Variants in ARHGEF11 observed in about 807,000 individuals in gnomAD.
ARHGEF11 encodes Rho guanine nucleotide exchange factor 11, also known as Rho guanine exchange factor (GEF) 11.
A neutral mutation model predicts 193.7 loss-of-function variants in ARHGEF11; 55 were observed. The ratio of observed to expected loss-of-function variants is 0.28; its 90% CI spans 0.23 to 0.36. ARHGEF11 has a LOEUF of 0.36. ARHGEF11 is among the 10% of genes least tolerant of loss of function. The probability of loss-of-function intolerance (pLI) is 1.00; values close to 1 mark genes in which losing one functional copy is unlikely to be tolerated. For missense variants in ARHGEF11, 1,723 were observed against 2,005.6 expected (o/e 0.86, Z 2.69); for synonymous variants, 693 against 768.0 (o/e 0.90, Z 1.62).
chr1:156,956,653 G>C (rs1295447588), intron 18 of ARHGEF11, 89 bp from the exon 19 acceptor site: 3 of 1,555,754 alleles, frequency 1.9e-6, no homozygotes, highest in East Asian at 2.3e-5. Flanking sequence ...CAGTGGAGTG[G>C]GGAAGGGGTA....
intron 1 of ARHGEF11, among the ~76,000 whole-genome samples, chr1:157,008,402 GCACGCACA>G (rs1668133636): frequency 2.7e-5 from 1 of 36,396 alleles, no homozygotes. Flanking sequence ...AAGCTTGCAC[GCACGCACA>G]CACACACACA....
Position 156,968,066 on chromosome 1 carries a change from G to A in ARHGEF11, c.884C>T (p.Ser295Phe), listed in dbSNP as rs1487315103. Residue 295 changes from serine (S) to phenylalanine (F), a missense_variant, in exon 11 of 41, where the codon TCC (serine) becomes TTC (phenylalanine). Around this residue, in one of 5 missense-constraint regions of ARHGEF11, gnomAD observed 646 missense variants for 710.7 expected, o/e 0.91. Coordinates refer to ENST00000368194, the MANE Select transcript of ARHGEF11 (RefSeq NM_198236.3). ...GGCCACCCTGGCCATGATCACAGGG[G>A]AGGTTCGAGGACTGTCTAGCCCAGG... ...SDPGLDSPRT[S>F]PVIMARVAQH... 1 of 1,614,116 alleles carries A rather than the reference G, an allele frequency of 6.2e-7. No individual in the cohort carries two copies. The highest frequency in any genetic ancestry group is 1.3e-5 in the African/African-American group (1 of 74,954).
intron 7 of ARHGEF11, among the ~76,000 whole-genome samples, chr1:156,974,028 T>C (rs1413376234): frequency 6.6e-6 from 1 of 152,122 alleles, no homozygotes; most frequent in Non-Finnish European, 1.5e-5. Flanking sequence ...TCATGGCCAA[T>C]AACACCTTCC....
intron 39 of ARHGEF11, 113 bp downstream of exon 39, chr1:156,937,136 C>T: frequency 6.4e-7 from 1 of 1,571,956 alleles, no homozygotes; most frequent in South Asian, 1.2e-5. Context: ...GGGAAGATCC[C>T]TGGGCCAGGA....
chr1:156,996,766 C>T (rs71630646), intron 1 of ARHGEF11, among the ~76,000 whole-genome samples: 1,084 of 94,202 alleles, frequency 0.012, 10 homozygotes, highest in Middle Eastern at 0.023. Context: ...GAGCGAGACT[C>T]TGTCTCAAAA....
rs865984399 is a variant in ARHGEF11, at chr1:157,020,110, C to A, written c.32+24189G>T. On this transcript the variant is annotated intron_variant, in intron 1 of 40. Coordinates refer to ENST00000368194, the MANE Select transcript of ARHGEF11 (RefSeq NM_198236.3). ...CTGCACTCCAGCCTGGGCGACAGTG[C>A]GAGACTCTGTCTCAGAAAAAAAAAA... Among the ~76,000 whole-genome samples the A allele has an allele frequency of 5.0e-5, 7 of 139,142 alleles. 1 individual carries two copies. The highest frequency in any genetic ancestry group is 1.5e-4 in the Admixed American group (2 of 13,226). The allele number at this position is 139,142 out of a possible 152,430, so 91.3% of individuals were successfully genotyped here.
At chr1:157,010,426 C>A (rs956541709) in intron 1 of ARHGEF11, among the ~76,000 whole-genome samples, 2 of 152,014 alleles carry the variant, frequency 1.3e-5, no homozygotes, top group Non-Finnish European at 2.9e-5. Flanking sequence ...AATTGCATTT[C>A]TTTTTTTCTT....
rs1295275295 is a variant in ARHGEF11, at chr1:156,980,499, G to T, written c.224-13C>A. Reference sequence around the variant, plus strand: ...ATGGCTGCACCTCCTGTAAGGAGAAGGCCTGGTCAGCAGTGCCCAACAACC... The same window carrying T: ...ATGGCTGCACCTCCTGTAAGGAGAATGCCTGGTCAGCAGTGCCCAACAACC... On this transcript the variant is annotated splice_polypyrimidine_tract_variant and intron_variant, in intron 3 of 40. Transcript: ENST00000368194. 5.0e-6 allele frequency: 8 copies of T among 1,586,264 alleles called. No homozygotes were observed. In the African/African-American group the frequency reaches 9.4e-5, roughly 19 times the overall value.
chr1:156,981,932 G>A (rs1403300119), intron 3 of ARHGEF11, among the ~76,000 whole-genome samples: 4 of 152,132 alleles, frequency 2.6e-5, no homozygotes, highest in Admixed American at 2.0e-4. Context: ...GCATTCCTCT[G>A]ATCAAAACAA....
intron 3 of ARHGEF11, 48 bp from the exon 4 acceptor site, chr1:156,980,534 G>A (rs1261620255): frequency 6.4e-7 from 1 of 1,550,910 alleles, no homozygotes; most frequent in East Asian, 2.4e-5. Flanking sequence ...CTCTTCCACT[G>A]AAGCTACACG....
chr1:157,028,512 G>C (rs757476949), intron 1 of ARHGEF11, among the ~76,000 whole-genome samples: 1 of 152,110 alleles, frequency 6.6e-6, no homozygotes, highest in African/African-American at 2.4e-5. Flanking sequence ...CAACATGATG[G>C]CGAGTAGAGC....
chr1:157,001,078 A>G (rs1667156683), intron 1 of ARHGEF11, among the ~76,000 whole-genome samples: 1 of 152,142 alleles, frequency 6.6e-6, no homozygotes. Flanking sequence ...TCGAATGATG[A>G]CACTTCTATT....
chr1:156,969,970 G>C, intron 9 of ARHGEF11, 28 bp downstream of exon 9: 2 of 1,612,554 alleles, frequency 1.2e-6, no homozygotes, highest in Non-Finnish European at 1.7e-6. Context: ...AGATATGCCA[G>C]AGAAAAAAGG....
chr1:157,038,933 C>A (rs1672398698), intron 1 of ARHGEF11, among the ~76,000 whole-genome samples: 1 of 152,056 alleles, frequency 6.6e-6, no homozygotes, highest in African/African-American at 2.4e-5. Flanking sequence ...GTGGGAGGAC[C>A]ACCTGAGCCT....
chr1:156,974,021 T>C (rs542975267), intron 7 of ARHGEF11, among the ~76,000 whole-genome samples: 2 of 152,320 alleles, frequency 1.3e-5, no homozygotes, highest in South Asian at 2.1e-4. Context: ...ATGGTATTCA[T>C]GGCCAATAAC....
intron 15 of ARHGEF11, 41 bp from the exon 16 acceptor site, chr1:156,959,183 TGG>T (rs1660422873): frequency 6.4e-7 from 1 of 1,571,290 alleles, no homozygotes; most frequent in South Asian, 1.1e-5. Context: ...GATGGGGTAC[TGG>T]GGGTGGAGGG....
rs987220714 is a variant in ARHGEF11, at chr1:156,935,407, T to G, written c.*593A>C. 5.9e-5 allele frequency: 9 copies of G among 152,202 alleles called. No homozygotes were observed. The highest frequency in any genetic ancestry group is 2.2e-4 in the African/African-American group (9 of 41,436). The allele number at this position is 152,202 out of a possible 1,614,324, so 9.4% of individuals were successfully genotyped here. On this transcript the variant is annotated 3_prime_UTR_variant, in exon 41 of 41. Transcript: ENST00000368194. Reference sequence around the variant, plus strand: ...TCGATCCTGGAACTGGGTTGTTAACTAAGGAGATACAAGTGAAACCCCTCT... The same window carrying G: ...TCGATCCTGGAACTGGGTTGTTAACGAAGGAGATACAAGTGAAACCCCTCT...
At chr1:157,000,396 T>C (rs887516459) in intron 1 of ARHGEF11, among the ~76,000 whole-genome samples, 7 of 152,372 alleles carry the variant, frequency 4.6e-5, no homozygotes, top group African/African-American at 1.4e-4. Flanking sequence ...AAAGAAGGCA[T>C]ACTTTATACC....
chr1:157,045,411 C>G lies in ARHGEF11; in HGVS notation c.-1081G>C, dbSNP rs1673214036. ...TTCTCTCTCCCTCTCTCTCGCCCGG[C>G]CAGAAAGACGGCTCCCTTATTATTC... On this transcript the variant is annotated 5_prime_UTR_variant, in exon 1 of 41. Coordinates refer to ENST00000368194, the MANE Select transcript of ARHGEF11 (RefSeq NM_198236.3). 6.6e-6 allele frequency: 1 copy of G among 152,248 alleles called. No homozygotes were observed. Among genetic ancestry groups the G allele is most frequent in the African/African-American group, 2.4e-5 (1 of 41,434 alleles). The allele number at this position is 152,248 out of a possible 1,614,324, so 9.4% of individuals were successfully genotyped here.
Sources: gnomAD v4.1 joint callset for allele counts (sites outside exome capture counted in the v4.1 genomes callset) on GRCh38, gnomAD v4.1.1 for gene constraint, gnomAD v4.1.1 regional missense constraint, MANE v1.5 for transcripts, NCBI Gene and HGNC (gene_info 2026-07-23, HGNC 2026-07-21) for gene names.